Variants in LGR5 observed in about 807,000 individuals in gnomAD.
The protein encoded by LGR5 is leucine rich repeat containing G protein-coupled receptor 5, also known as leucine-rich repeat-containing G protein-coupled receptor 5.
LGR5 carries 54 observed loss-of-function variants against 76.7 expected under a neutral mutation model. The ratio of observed to expected loss-of-function variants is 0.70; its 90% CI spans 0.57 to 0.88. LGR5 has a LOEUF of 0.88. Among genes scored for constraint, LGR5 ranks in the 40% least tolerant of loss-of-function variants. The pLI is 0.00. For missense variants in LGR5, 1,078 were observed against 1,073.3 expected, an observed-to-expected ratio of 1.00 and a Z score of -0.06; for synonymous variants, 406 against 421.9, an observed-to-expected ratio of 0.96 and a Z score of 0.46.
At chr12:71,477,412 T>TA (rs144714763) in intron 1 of LGR5, among the ~76,000 whole-genome samples, 1 of 150,698 alleles carries the variant, frequency 6.6e-6, no homozygotes, top group African/African-American at 2.4e-5. Flanking sequence ...TGTAGTTCTT[T>TA]AAAAAAACAT....
At chr12:71,467,771 T>G (rs1024700188) in intron 1 of LGR5, among the ~76,000 whole-genome samples, 3 of 152,196 alleles carry the variant, frequency 2.0e-5, no homozygotes, top group Non-Finnish European at 4.4e-5. Flanking sequence ...TACTTGTTCT[T>G]TTCATGTCAT....
chr12:71,484,913 T>C (rs1033200733), intron 1 of LGR5, among the ~76,000 whole-genome samples: 2 of 152,192 alleles, frequency 1.3e-5, no homozygotes, highest in Non-Finnish European at 2.9e-5. Flanking sequence ...AAGTTCCCAC[T>C]AAAAAATTAA....
At chr12:71,471,638 TTTG>T (rs1425848291) in intron 1 of LGR5, among the ~76,000 whole-genome samples, 1 of 148,678 alleles carries the variant, frequency 6.7e-6, no homozygotes, top group Non-Finnish European at 1.5e-5. Flanking sequence ...ATAAAGCTGT[TTTG>T]TTTTTTTTTT....
At chr12:71,473,934 C>A (rs933441366) in intron 1 of LGR5, among the ~76,000 whole-genome samples, 1 of 152,126 alleles carries the variant, frequency 6.6e-6, no homozygotes, top group African/African-American at 2.4e-5. Flanking sequence ...CTTGCAACTT[C>A]AGCCTCTTAA....
intron 4 of LGR5, among the ~76,000 whole-genome samples, chr12:71,536,998 T>C (rs1332401644): frequency 6.6e-6 from 1 of 152,154 alleles, no homozygotes; most frequent in Non-Finnish European, 1.5e-5. Flanking sequence ...AGGATCTAGA[T>C]AGATACTCGG....
chr12:71,576,561 C>A (rs1366081543), intron 13 of LGR5, among the ~76,000 whole-genome samples: 1 of 152,160 alleles, frequency 6.6e-6, no homozygotes, highest in Non-Finnish European at 1.5e-5. Flanking sequence ...GGGGATGCAG[C>A]CTGCAGGATC....
At chr12:71,554,837 CAAGT>C (rs1460127468) in intron 5 of LGR5, among the ~76,000 whole-genome samples, 1 of 152,148 alleles carries the variant, frequency 6.6e-6, no homozygotes, top group Non-Finnish European at 1.5e-5. Flanking sequence ...GATTCTCAAA[CAAGT>C]AATAGTTTGA....
At chr12:71,549,846 GA>G (rs778389683) in intron 4 of LGR5, among the ~76,000 whole-genome samples, 2 of 152,132 alleles carry the variant, frequency 1.3e-5, no homozygotes, top group Non-Finnish European at 2.9e-5. Context: ...TAGAGTGTTC[GA>G]TCTCTGAAGA....
chr12:71,565,498 A>G (rs918547596), intron 8 of LGR5, among the ~76,000 whole-genome samples: 2 of 150,128 alleles, frequency 1.3e-5, no homozygotes, highest in African/African-American at 5.0e-5. Context: ...TAACACATAC[A>G]TATATGCAAG....
At chr12:71,473,758 TTA>T (rs1189919839) in intron 1 of LGR5, among the ~76,000 whole-genome samples, 3 of 152,152 alleles carry the variant, frequency 2.0e-5, no homozygotes, top group African/African-American at 7.2e-5. Flanking sequence ...TAGTGTTTTA[TTA>T]TTATATATAA....
chr12:71,517,457 G>T (rs1353351671), intron 2 of LGR5, among the ~76,000 whole-genome samples: 1 of 152,176 alleles, frequency 6.6e-6, no homozygotes, highest in Non-Finnish European at 1.5e-5. Context: ...TAACAGAAAG[G>T]CATTCATCCT....
chr12:71,513,965 C>A (rs145697181), intron 2 of LGR5, among the ~76,000 whole-genome samples: 11 of 152,034 alleles, frequency 7.2e-5, no homozygotes, highest in Non-Finnish European at 2.9e-5. Flanking sequence ...GCTTAGGAGT[C>A]TATAATCAGA....
At chr12:71,477,935 T>C (rs191441913) in intron 1 of LGR5, among the ~76,000 whole-genome samples, 259 of 152,242 alleles carry the variant, frequency 1.7e-3, no homozygotes, top group Non-Finnish European at 2.7e-3. Context: ...TTTAGCGTAA[T>C]CATCAATATG....
At chr12:71,565,889 A>G (rs1878317173) in intron 8 of LGR5, among the ~76,000 whole-genome samples, 1 of 152,138 alleles carries the variant, frequency 6.6e-6, no homozygotes, top group Non-Finnish European at 1.5e-5. Flanking sequence ...ACAATAATTA[A>G]TTCAAGAAAA....
chr12:71,538,800 G>A lies in LGR5; in HGVS notation c.428+3614G>A, dbSNP rs193119063. 3.2e-3 allele frequency among the ~76,000 whole-genome samples: 489 copies of A among 152,268 alleles called. 3 individuals carry two copies. Among genetic ancestry groups the A allele is most frequent in the African/African-American group, 0.011 (457 of 41,534 alleles). ...TTGAGCCCAGGAGTTTGAGGCTGCA[G>A]TGAGCTATGATCCTGCCACTGCACT... On this transcript the variant is annotated intron_variant, in intron 4 of 17. Transcript: ENST00000266674.
intron 1 of LGR5, among the ~76,000 whole-genome samples, chr12:71,449,090 CT>C (rs1374973101): frequency 1.7e-4 from 26 of 152,358 alleles, no homozygotes; most frequent in Non-Finnish European, 1.3e-4. Flanking sequence ...AGGGGATACG[CT>C]TCTCCTGTGT....
chr12:71,459,703 T>C (rs1427640727), intron 1 of LGR5, among the ~76,000 whole-genome samples: 1 of 152,064 alleles, frequency 6.6e-6, no homozygotes, highest in Non-Finnish European at 1.5e-5. Flanking sequence ...AAAAGTAGTG[T>C]AGTGGTTAAG....
At chr12:71,546,748 A>G (rs1031120995) in intron 4 of LGR5, among the ~76,000 whole-genome samples, 2 of 152,182 alleles carry the variant, frequency 1.3e-5, no homozygotes, top group Admixed American at 1.3e-4. Context: ...GAGGGCCTCC[A>G]GTCAGAAAGC....
chr12:71,482,541 A>T (rs1873653887), intron 1 of LGR5, among the ~76,000 whole-genome samples: 1 of 152,226 alleles, frequency 6.6e-6, no homozygotes, highest in South Asian at 2.1e-4. Flanking sequence ...ACAAAAAAAA[A>T]AGTCACATTC....
Sources: gnomAD v4.1 joint callset for allele counts (sites outside exome capture counted in the v4.1 genomes callset) on GRCh38, gnomAD v4.1.1 for gene constraint, MANE v1.5 for transcripts, NCBI Gene and HGNC (gene_info 2026-07-23, HGNC 2026-07-21) for gene names.